CCDC88C: variants seen among roughly 807,000 people sequenced by gnomAD.
CCDC88C encodes the protein protein Daple.
A neutral mutation model predicts 198.8 loss-of-function variants in CCDC88C; 131 were observed. The observed-to-expected ratio is 0.66, with a 90% CI of 0.57 to 0.76. The LOEUF is 0.76. Among genes scored for constraint, CCDC88C ranks in the 30% least tolerant of loss-of-function variants. CCDC88C has a pLI of 0.00. For missense variants in CCDC88C, 2,553 were observed against 2,631.6 expected, an observed-to-expected ratio of 0.97 and a Z score of 0.65; for synonymous variants, 1,166 against 1,114.7, an observed-to-expected ratio of 1.05 and a Z score of -0.92.
intron 3 of CCDC88C, among the ~76,000 whole-genome samples, chr14:91,405,259 A>T (rs887821749): frequency 2.6e-5 from 4 of 152,156 alleles, no homozygotes; most frequent in Non-Finnish European, 5.9e-5. Flanking sequence ...TGCCGCAGAG[A>T]AGAAGGGGAC....
At position 91,393,175 on chromosome 14, in the gene CCDC88C, G is replaced by C. The variant is rs140563070; in HGVS notation, c.270+15484C>G. Among the ~76,000 whole-genome samples, 1,092 of 152,268 alleles carry C rather than the reference G, an allele frequency of 7.2e-3. 2 individuals carry two copies. Among genetic ancestry groups the C allele is most frequent in the Middle Eastern group, 0.02 (6 of 294 alleles). ...CAGTCATCACCCCCATCTGACAAAA[G>C]AGGAACAGGCTAGGAGGGGTTGGGC... On this transcript the variant is annotated intron_variant, in intron 3 of 29. Coordinates refer to ENST00000389857, the MANE Select transcript of CCDC88C (RefSeq NM_001080414.4).
At chr14:91,322,470 A>AAC (rs35938712) in intron 12 of CCDC88C, among the ~76,000 whole-genome samples, 9,270 of 152,090 alleles carry the variant, frequency 0.061, 310 homozygotes, top group African/African-American at 0.08. Flanking sequence ...CACACACATA[A>AAC]ACACACACAC....
At position 91,395,377 on chromosome 14, in the gene CCDC88C, T is replaced by C. The variant is rs537377395; in HGVS notation, c.270+13282A>G. 9.2e-5 allele frequency among the ~76,000 whole-genome samples: 14 copies of C among 152,200 alleles called. No individual in the cohort carries two copies. The South Asian group carries it at 1.9e-3, about 20-fold the overall frequency. On this transcript the variant is annotated intron_variant, in intron 3 of 29. Transcript: ENST00000389857. ...ATCTCATTTGAGCCTCACAACCACC[T>C]ATAAGGTAATTTTTACCCCTGCTCT...
At position 91,289,153 on chromosome 14, in the gene CCDC88C, A is replaced by C; in HGVS notation, c.4393T>G (p.Ser1465Ala). The change falls in exon 25 of 30, where the codon TCC (serine) becomes GCC (alanine). Residue 1465 changes from serine to alanine, a missense_variant. By Grantham distance (99) the Ser-to-Ala change is moderately conservative. Transcript: ENST00000389857. ...AENPDTPALG[S>A]NCAEERDAHN... is the part of the protein sequence containing the mutation. The stretch of plus-strand genomic sequence containing the variant: ...GCGTCGCGCTCTTCTGCACAGTTGG[A>C]GCCCAGTGCGGGGGTGTCGGGGTTC... 3 of 1,613,518 alleles carry C rather than the reference A, an allele frequency of 1.9e-6. No homozygotes were observed. The highest frequency in any genetic ancestry group is 2.5e-6 in the Non-Finnish European group (3 of 1,179,824).
intron 4 of CCDC88C, among the ~76,000 whole-genome samples, chr14:91,350,939 A>G (rs1459513252): frequency 6.6e-6 from 1 of 152,230 alleles, no homozygotes; most frequent in Non-Finnish European, 1.5e-5. Context: ...AGAAAGGCTG[A>G]GTCACAGAAC....
intron 3 of CCDC88C, among the ~76,000 whole-genome samples, chr14:91,400,041 T>A (rs1303538718): frequency 6.6e-6 from 1 of 151,664 alleles, no homozygotes; most frequent in Non-Finnish European, 1.5e-5. Flanking sequence ...CAGGCAGACA[T>A]TTCCCCCGAG....
chr14:91,307,051 T>C lies in CCDC88C; in HGVS notation c.3182A>G (p.Glu1061Gly). 6.2e-7 allele frequency: 1 copy of C among 1,612,132 alleles called. No individual in the cohort carries two copies. The highest frequency in any genetic ancestry group is 1.7e-5 in the Admixed American group (1 of 59,852). Residue 1061 changes from glutamate (E) to glycine (G), a missense_variant, in exon 18 of 30, where the codon GAG becomes GGG. Physicochemically the swap from Glu to Gly is moderately conservative, Grantham distance 98. This residue lies in a region of CCDC88C where 1,260 missense variants were observed against 1,412.0 expected (regional missense o/e 0.89). Transcript: ENST00000389857. ...CAGCCCACTCACATTCCGCTCCAGC[T>C]CGATGGCCCGGTCCTTCACTCGGAG... ...ELLRVKDRAI[E>G]LERNNAALQA...
At chr14:91,354,844 A>G (rs1893973906) in intron 4 of CCDC88C, among the ~76,000 whole-genome samples, 1 of 152,234 alleles carries the variant, frequency 6.6e-6, no homozygotes, top group Non-Finnish European at 1.5e-5. Context: ...AAAAGTATGC[A>G]ATGCCACAGA....
intron 2 of CCDC88C, among the ~76,000 whole-genome samples, chr14:91,413,702 C>T (rs1886901648): frequency 6.6e-6 from 1 of 152,152 alleles, no homozygotes; most frequent in Non-Finnish European, 1.5e-5. Flanking sequence ...GCTGATGTCA[C>T]CAGGAGACCA....
At position 91,324,791 on chromosome 14, in the gene CCDC88C, C is replaced by A; in HGVS notation, c.1330G>T (p.Asp444Tyr). 1 of 1,611,788 alleles carries A rather than the reference C, an allele frequency of 6.2e-7. No individual in the cohort carries two copies. Among genetic ancestry groups the A allele is most frequent in the South Asian group, 1.1e-5 (1 of 91,086 alleles). Residue 444 changes from aspartate (D) to tyrosine (Y), a missense_variant, in exon 12 of 30, where the codon GAC becomes TAC. Physicochemically the swap from Asp to Tyr is radical, Grantham distance 160. Coordinates refer to ENST00000389857, the MANE Select transcript of CCDC88C (RefSeq NM_001080414.4). Reference sequence around the variant, plus strand: ...AGGCGCTACCTACCGTCTGACAAGTCTGCGTTCTTGGACAGCTGCTCCAGC... The same window carrying A: ...AGGCGCTACCTACCGTCTGACAAGTATGCGTTCTTGGACAGCTGCTCCAGC... ...WELEQLSKNA[D>Y]LSDASRKSFV...
intron 1 of CCDC88C, chr14:91,417,321 C>G: frequency 1.6e-6 from 1 of 627,484 alleles, no homozygotes; most frequent in Non-Finnish European, 2.9e-6. Context: ...GGAGTGACCA[C>G]TGGGACCCGG....
At chr14:91,343,472 G>A (rs1163615657) in intron 5 of CCDC88C, 127 bp downstream of exon 5, 22 of 1,457,990 alleles carry the variant, frequency 1.5e-5, no homozygotes, top group Non-Finnish European at 1.9e-5. Flanking sequence ...GGAACCCAGC[G>A]GCCTTCTGTC....
At chr14:91,360,921 TG>T (rs1289574644) in intron 3 of CCDC88C, among the ~76,000 whole-genome samples, 1 of 151,780 alleles carries the variant, frequency 6.6e-6, no homozygotes, top group African/African-American at 2.4e-5. Flanking sequence ...GAGGCTGAGG[TG>T]GGAGGCTTGA....
At chr14:91,345,193 T>TTA (rs1893493341) in intron 4 of CCDC88C, among the ~76,000 whole-genome samples, 1 of 119,572 alleles carries the variant, frequency 8.4e-6, no homozygotes, top group Non-Finnish European at 1.8e-5. Flanking sequence ...TATATATATT[T>TTA]TTTTTTTTTT....
rs962384047 is a variant in CCDC88C at position 91,272,541 on chromosome 14, A to G, written c.*84T>C. 3.5e-5 allele frequency: 49 copies of G among 1,403,708 alleles called. No individual in the cohort carries two copies. The South Asian group carries it at 5.2e-4, about 15-fold the overall frequency. 87.0% of individuals were successfully genotyped at this position (1,403,708 alleles called of 1,614,324 possible). A position where few individuals can be genotyped will look rare whatever the true frequency, so the allele number is the denominator to read the frequency against. On this transcript the variant is annotated 3_prime_UTR_variant, in exon 30 of 30. Coordinates refer to ENST00000389857, the MANE Select transcript of CCDC88C (RefSeq NM_001080414.4). Reference sequence around the variant, plus strand: ...TCCTCATTCCAAACCCTCTCCTGGCACCGCAGGCAAGCAAGAGAAAAGGCC... The same window carrying G: ...TCCTCATTCCAAACCCTCTCCTGGCGCCGCAGGCAAGCAAGAGAAAAGGCC...
In CCDC88C at chr14:91,369,407, T is replaced by C. The variant is rs1039520951; in HGVS notation, c.271-9696A>G. On this transcript the variant is annotated intron_variant, in intron 3 of 29. Coordinates refer to ENST00000389857, the MANE Select transcript of CCDC88C (RefSeq NM_001080414.4). ...TTTTTGTAAAGATGGGGTTTCATCA[T>C]GTTGGCCAGGCTGGTCTTGAACTCC... is the stretch of plus-strand genomic sequence containing the variant. 5.3e-5 allele frequency among the ~76,000 whole-genome samples: 8 copies of C among 152,354 alleles called. No homozygotes were observed. In the South Asian group the frequency reaches 1.5e-3, roughly 28 times the overall value.
chr14:91,333,975 C>G (rs1266153503), intron 10 of CCDC88C, among the ~76,000 whole-genome samples: 4 of 152,206 alleles, frequency 2.6e-5, no homozygotes, highest in African/African-American at 9.7e-5. Flanking sequence ...TCCCGCTGAC[C>G]TTTTACTTGG....
At chr14:91,356,351 C>G (rs1007815470) in intron 4 of CCDC88C, among the ~76,000 whole-genome samples, 1 of 152,138 alleles carries the variant, frequency 6.6e-6, no homozygotes, top group African/African-American at 2.4e-5. Flanking sequence ...CCTGCCGAGG[C>G]CACCGTCTAG....
In CCDC88C at chr14:91,303,988, GGGA is replaced by G; in HGVS notation, c.3358-13_3358-11del. ...GCGTGGAGTTCTCCACCTGCCGAGA[GGGA>G]GAAGCGCGGCGTGGCGCAGGCCCCA... On this transcript the variant is annotated splice_polypyrimidine_tract_variant and intron_variant, in intron 19 of 29. Transcript: ENST00000389857. 1 of 1,594,734 alleles carries G rather than the reference GGGA, an allele frequency of 6.3e-7. No homozygotes were observed. The highest frequency in any genetic ancestry group is 1.7e-4 in the Middle Eastern group (1 of 6,044).
Sources: gnomAD v4.1 joint callset for allele counts (sites outside exome capture counted in the v4.1 genomes callset) on GRCh38, gnomAD v4.1.1 for gene constraint, gnomAD v4.1.1 regional missense constraint, MANE v1.5 for transcripts, NCBI Gene and HGNC (gene_info 2026-07-23, HGNC 2026-07-21) for gene names.